SYBU: variants seen among roughly 807,000 people sequenced by gnomAD.
SYBU encodes the protein GOLSYN A protein.
A neutral mutation model predicts 35.9 loss-of-function variants in SYBU; 21 were observed. That is an observed-to-expected ratio of 0.58 (90% CI 0.41 to 0.84). SYBU has a LOEUF of 0.84. Among genes scored for constraint, SYBU ranks in the 40% least tolerant of loss-of-function variants. The pLI, the probability that SYBU is intolerant of heterozygous loss-of-function variation, is 0.00. For synonymous variants in SYBU, 319 were observed against 324.3 expected (o/e 0.98, Z 0.18); for missense variants, 768 against 848.2 (o/e 0.91, Z 1.17).
intron 2 of SYBU, among the ~76,000 whole-genome samples, chr8:109,633,799 T>C (rs1813901351): frequency 6.6e-6 from 1 of 152,118 alleles, no homozygotes; most frequent in Non-Finnish European, 1.5e-5. Flanking sequence ...AGTGGCGCAA[T>C]CTTGGCTCAC....
intron 1 of SYBU, among the ~76,000 whole-genome samples, chr8:109,673,220 C>G (rs1209705915): frequency 6.6e-6 from 1 of 152,164 alleles, no homozygotes; most frequent in Non-Finnish European, 1.5e-5. Context: ...GTTCCTGACC[C>G]CCGTGCCTCC....
chr8:109,616,551 C>T (rs933474714), intron 3 of SYBU, among the ~76,000 whole-genome samples: 1 of 152,024 alleles, frequency 6.6e-6, no homozygotes, highest in South Asian at 2.1e-4. Context: ...CTGTGCCATA[C>T]TTGTCTACTG....
intron 1 of SYBU, among the ~76,000 whole-genome samples, chr8:109,690,222 A>C (rs1221185498): frequency 6.6e-6 from 1 of 152,078 alleles, no homozygotes; most frequent in Non-Finnish European, 1.5e-5. Flanking sequence ...GCATATAAAA[A>C]AAAATGATTT....
At chr8:109,639,350 G>A (rs13256586) in intron 2 of SYBU, among the ~76,000 whole-genome samples, 47,995 of 150,690 alleles carry the variant, frequency 0.32, 9,042 homozygotes, top group African/African-American at 0.54. Context: ...TTTTAAAAAA[G>A]TAAAAATTTT....
chr8:109,579,796 C>A lies in SYBU; in HGVS notation c.734+3G>T. On this transcript the variant is annotated splice_donor_region_variant and intron_variant, in intron 5 of 6. Coordinates refer to ENST00000276646, the MANE Select transcript of SYBU (RefSeq NM_001099754.2). ...ATGCATGAATTAGGTGAGCAGGACT[C>A]ACCTCATGATGGGGCTACAGTCGCT... 1 of 1,613,722 alleles carries A rather than the reference C, an allele frequency of 6.2e-7. No individual in the cohort carries two copies. The highest frequency in any genetic ancestry group is 8.5e-7 in the Non-Finnish European group (1 of 1,179,714).
Position 109,634,250 on chromosome 8 carries a change from A to G in SYBU, c.229+8478T>C, listed in dbSNP as rs534871788. 1.7e-4 allele frequency among the ~76,000 whole-genome samples: 26 copies of G among 152,270 alleles called. No homozygotes were observed. In the South Asian group the frequency reaches 4.6e-3, roughly 27 times the overall value. On this transcript the variant is annotated intron_variant, in intron 2 of 6. Coordinates refer to ENST00000276646, the MANE Select transcript of SYBU (RefSeq NM_001099754.2). ...ACCTTCAAAACCTTGCTTATGTGCC[A>G]GCTCTTGAGTGGGGCATTTTCTGGT...
At chr8:109,605,932 G>A (rs1172573448) in intron 3 of SYBU, among the ~76,000 whole-genome samples, 1 of 152,156 alleles carries the variant, frequency 6.6e-6, no homozygotes, top group Admixed American at 6.5e-5. Context: ...AATTCAAGTT[G>A]TAAATATTAA....
intron 3 of SYBU, among the ~76,000 whole-genome samples, chr8:109,602,234 A>G (rs981995688): frequency 6.6e-6 from 1 of 152,190 alleles, no homozygotes; most frequent in Admixed American, 6.5e-5. Flanking sequence ...GCTTGACTGC[A>G]GTGCTACCCA....
At chr8:109,656,263 A>G (rs1181049480) in intron 1 of SYBU, among the ~76,000 whole-genome samples, 1 of 152,226 alleles carries the variant, frequency 6.6e-6, no homozygotes, top group African/African-American at 2.4e-5. Flanking sequence ...TGCTTGAGAC[A>G]CTAAGTATAG....
chr8:109,600,023 G>C (rs1237267633), intron 3 of SYBU, among the ~76,000 whole-genome samples: 2 of 152,174 alleles, frequency 1.3e-5, no homozygotes, highest in East Asian at 3.9e-4. Flanking sequence ...CTTCCTTCAG[G>C]AAGGGGATTA....
At chr8:109,662,522 A>C (rs1816600152) in intron 1 of SYBU, among the ~76,000 whole-genome samples, 1 of 152,086 alleles carries the variant, frequency 6.6e-6, no homozygotes, top group Non-Finnish European at 1.5e-5. Flanking sequence ...TCATCTTTCC[A>C]ATGTAGGCTA....
chr8:109,617,355 G>C (rs148721810), intron 3 of SYBU, among the ~76,000 whole-genome samples: 77 of 152,244 alleles, frequency 5.1e-4, no homozygotes, highest in African/African-American at 1.7e-3. Flanking sequence ...TGATGGACTT[G>C]GGGTTTCTTT....
intron 4 of SYBU, 70 bp downstream of exon 4, chr8:109,585,990 A>T: frequency 9.6e-7 from 1 of 1,041,620 alleles, no homozygotes; most frequent in Non-Finnish European, 1.4e-6. Context: ...GGGTGGTTCT[A>T]CAGATGCACA....
At chr8:109,673,223 G>A (rs866020757) in intron 1 of SYBU, among the ~76,000 whole-genome samples, 27 of 152,090 alleles carry the variant, frequency 1.8e-4, no homozygotes, top group African/African-American at 5.8e-4. Flanking sequence ...CCTGACCCCC[G>A]TGCCTCCTGA....
At chr8:109,688,992 T>C (rs553725843) in intron 1 of SYBU, among the ~76,000 whole-genome samples, 1 of 152,162 alleles carries the variant, frequency 6.6e-6, no homozygotes, top group Non-Finnish European at 1.5e-5. Context: ...TAAAGTTATA[T>C]GCAGGTGTTA....
At position 109,589,514 on chromosome 8, in the gene SYBU, G is replaced by A. The variant is rs556051021; in HGVS notation, c.428-3352C>T. Among the ~76,000 whole-genome samples, 51 of 152,318 alleles carry A rather than the reference G, an allele frequency of 3.3e-4. No homozygotes were observed. In the South Asian group the frequency reaches 9.7e-3, roughly 29 times the overall value. ...AATGCTCTGATGCCAAACGCTTGGT[G>A]ACTAAGCATCCTGCTGCAGAAGGCA... On this transcript the variant is annotated intron_variant, in intron 3 of 6. Transcript: ENST00000276646.
chr8:109,690,772 C>T (rs1156272804), intron 1 of SYBU, among the ~76,000 whole-genome samples: 2 of 152,162 alleles, frequency 1.3e-5, no homozygotes, highest in Non-Finnish European at 2.9e-5. Context: ...ATCAACGTAG[C>T]CCTTCAACAG....
rs1816388086 is a variant in SYBU at position 109,657,210 on chromosome 8, T to A, written c.-129+23501A>T. On this transcript the variant is annotated intron_variant, in intron 1 of 5. Coordinates refer to the SYBU transcript ENST00000408889. ...ATAAACTTTTCTTAACGGTAGAAAA[T>A]GTACTCATTTCTTCACTTCATTTTG... Among the ~76,000 whole-genome samples, 3 of 152,156 alleles carry A rather than the reference T, an allele frequency of 2.0e-5. No homozygotes were observed. In the South Asian group the frequency reaches 6.2e-4, roughly 32 times the overall value.
rs200649919 is a variant in SYBU at position 109,595,128 on chromosome 8, C to G, written c.428-8966G>C. 8.5e-5 allele frequency among the ~76,000 whole-genome samples: 13 copies of G among 152,186 alleles called. No homozygotes were observed. In the East Asian group the frequency reaches 2.5e-3, roughly 29 times the overall value. ...TCTTCTTATGATTACCCTCTTTGAACCATATCAAGGTCCCAAAACATGTGA... is the reference window on the plus strand; with the variant it reads ...TCTTCTTATGATTACCCTCTTTGAAGCATATCAAGGTCCCAAAACATGTGA... On this transcript the variant is annotated intron_variant, in intron 3 of 6. Coordinates refer to ENST00000276646, the MANE Select transcript of SYBU (RefSeq NM_001099754.2).
Sources: allele counts gnomAD v4.1 joint callset (sites outside exome capture counted in the v4.1 genomes callset), GRCh38; gene constraint gnomAD v4.1.1; transcripts MANE v1.5; gene names NCBI Gene and HGNC (gene_info 2026-07-23, HGNC 2026-07-21).